The following MORN3 variants were observed in gnomAD, a reference collection of about 807,000 sequenced individuals.
The protein encoded by MORN3 is MORN repeat containing 3.
A neutral mutation model predicts 34.7 loss-of-function variants in MORN3; 38 were observed. The observed-to-expected ratio is 1.10, with a 90% confidence interval of 0.85 to 1.44. The LOEUF (loss-of-function observed/expected upper bound fraction) is 1.44. Among genes scored for constraint, MORN3 ranks in the 40% most tolerant of loss-of-function variants. The pLI is 0.00. For synonymous variants in MORN3, 109 were observed against 115.3 expected (o/e 0.95, Z 0.35); for missense variants, 311 against 321.7 (o/e 0.97, Z 0.25).
At chr12:121,652,092 C>T (rs533147846) in intron 5 of MORN3, among the ~76,000 whole-genome samples, 8 of 152,070 alleles carry the variant, frequency 5.3e-5, no homozygotes, top group South Asian at 4.1e-4. Context: ...CCCTCCCCCA[C>T]GCCCAGCTAA....
chr12:121,661,589 T>TG (rs951552359), intron 1 of MORN3, among the ~76,000 whole-genome samples: 3 of 151,882 alleles, frequency 2.0e-5, no homozygotes, highest in Admixed American at 6.6e-5. Context: ...GAATATCTTA[T>TG]GGGGGGGCTG....
In MORN3 at chr12:121,651,544, G is replaced by C. The variant is rs1555325084; in HGVS notation, c.*107C>G. ...GTGAGGGGCCCTATGAGGGTGCCGG[G>C]GTCATGCCTGGAGCTGCTGCTGACT... On this transcript the variant is annotated 3_prime_UTR_variant, in exon 6 of 6. Transcript: ENST00000355329. The C allele has an allele frequency of 6.6e-6, 1 of 152,438 alleles. No homozygotes were observed. 9.4% of individuals were successfully genotyped at this position (152,438 alleles called of 1,614,324 possible).
intron 3 of MORN3, among the ~76,000 whole-genome samples, chr12:121,653,472 G>A (rs1399158709): frequency 6.6e-6 from 1 of 151,520 alleles, no homozygotes. Context: ...GGGCATAGTG[G>A]TGTGCACCTA....
At chr12:121,661,755 A>G (rs1486521789) in intron 1 of MORN3, among the ~76,000 whole-genome samples, 1 of 152,016 alleles carries the variant, frequency 6.6e-6, no homozygotes, top group Non-Finnish European at 1.5e-5. Flanking sequence ...GCTTGCCTGT[A>G]ATCCCAGCTA....
At chr12:121,670,643 T>C (rs1893932555), upstream of MORN3, among the ~76,000 whole-genome samples, 1 of 150,584 alleles carries the variant, frequency 6.6e-6, no homozygotes, top group Non-Finnish European at 1.5e-5. Flanking sequence ...CCCTTGTCTC[T>C]ACTAAAAATA....
chr12:121,656,197 G>C (rs781990254), intron 2 of MORN3, among the ~76,000 whole-genome samples: 4 of 152,066 alleles, frequency 2.6e-5, no homozygotes, highest in Non-Finnish European at 5.9e-5. Context: ...CCTGTCCCAG[G>C]GCAGACACAC....
intron 1 of MORN3, among the ~76,000 whole-genome samples, chr12:121,666,393 A>G (rs1473433515): frequency 6.6e-6 from 1 of 152,032 alleles, no homozygotes; most frequent in African/African-American, 2.4e-5. Context: ...AGTCCCAGCT[A>G]CTTGGGAGGC....
upstream of MORN3, among the ~76,000 whole-genome samples, chr12:121,669,813 CATAT>C (rs750751662): frequency 5.0e-4 from 68 of 136,002 alleles, no homozygotes; most frequent in African/African-American, 1.7e-3. Context: ...GTCATATATA[CATAT>C]ATATATATAT....
Position 121,650,830 on chromosome 12 carries a change from TA to T in MORN3, c.*820del, listed in dbSNP as rs538683042. The T allele has an allele frequency of 8.9e-3, 1,297 of 146,168 alleles. 7 individuals carry two copies. Among genetic ancestry groups the T allele is most frequent in the Non-Finnish European group, 0.013 (887 of 66,018 alleles). 9.1% of individuals were successfully genotyped at this position (146,168 alleles called of 1,614,324 possible). ...TGGGCAATAGAGGGAGACTACGTCT[TA>T]AAAAAAAAAAATCACCTGGGGAATT... On this transcript the variant is annotated 3_prime_UTR_variant, in exon 6 of 6. Transcript: ENST00000355329.
At position 121,669,509 on chromosome 12, in the gene MORN3, G is replaced by C. The variant is rs777307195; in HGVS notation, c.-26C>G. On this transcript the variant is annotated 5_prime_UTR_variant, in exon 1 of 6. Coordinates refer to ENST00000355329, the MANE Select transcript of MORN3 (RefSeq NM_173855.5). ...GGTGGCTGCTTCTGCAAGGCTGGAG[G>C]GTGCTGGAAAGGGGTTAGGGACATC... is the stretch of plus-strand genomic sequence containing the variant. 3 of 1,611,770 alleles carry C rather than the reference G, an allele frequency of 1.9e-6. No individual in the cohort carries two copies. In the South Asian group the frequency reaches 3.3e-5, roughly 18 times the overall value.
At chr12:121,668,371 C>T (rs1029994362) in intron 1 of MORN3, among the ~76,000 whole-genome samples, 2 of 151,968 alleles carry the variant, frequency 1.3e-5, no homozygotes, top group Admixed American at 6.6e-5. Flanking sequence ...GGAGAAACCC[C>T]GTCTTACTAA....
intron 2 of MORN3, 81 bp from the exon 3 acceptor site, chr12:121,654,514 A>G: frequency 7.0e-7 from 1 of 1,431,966 alleles, no homozygotes; most frequent in South Asian, 1.4e-5. Flanking sequence ...GCACCCCTAG[A>G]GCCACACACC....
intron 1 of MORN3, among the ~76,000 whole-genome samples, chr12:121,661,335 C>T (rs1893574562): frequency 6.6e-6 from 1 of 152,162 alleles, no homozygotes; most frequent in Non-Finnish European, 1.5e-5. Flanking sequence ...GAGATTCTCC[C>T]TTCTCAGCCT....
chr12:121,662,759 C>A (rs1027412479), intron 1 of MORN3, among the ~76,000 whole-genome samples: 2 of 143,656 alleles, frequency 1.4e-5, no homozygotes, highest in African/African-American at 5.3e-5. Flanking sequence ...AAAAAAAAAA[C>A]GCCGGGCATG....
At chr12:121,665,847 A>G (rs1893739548) in intron 1 of MORN3, among the ~76,000 whole-genome samples, 1 of 151,472 alleles carries the variant, frequency 6.6e-6, no homozygotes, top group African/African-American at 2.4e-5. Context: ...CGGGGTCCAG[A>G]CGACCCAACA....
upstream of MORN3, among the ~76,000 whole-genome samples, chr12:121,671,410 A>AT (rs1427523022): frequency 6.6e-6 from 1 of 151,796 alleles, no homozygotes; most frequent in Non-Finnish European, 1.5e-5. Flanking sequence ...CATCTCAAAA[A>AT]AAAAAAAAAA....
intron 1 of MORN3, among the ~76,000 whole-genome samples, chr12:121,668,121 C>T (rs1415616727): frequency 2.6e-5 from 4 of 151,830 alleles, no homozygotes; most frequent in African/African-American, 7.3e-5. Context: ...CTGCCTGCCT[C>T]GGCCTCCCAA....
chr12:121,670,193 C>T (rs1893915917), upstream of MORN3, among the ~76,000 whole-genome samples: 1 of 151,754 alleles, frequency 6.6e-6, no homozygotes, highest in Admixed American at 6.6e-5. Context: ...AAATATGAAC[C>T]CAAAATATGG....
At chr12:121,654,724 A>G (rs1555325537) in intron 2 of MORN3, among the ~76,000 whole-genome samples, 1 of 151,642 alleles carries the variant, frequency 6.6e-6, no homozygotes, top group Non-Finnish European at 1.5e-5. Flanking sequence ...CAGCCTCCCG[A>G]GAAGCTGGGA....
Sources: allele counts gnomAD v4.1 joint callset (sites outside exome capture counted in the v4.1 genomes callset), GRCh38; gene constraint gnomAD v4.1.1; transcripts MANE v1.5; gene names NCBI Gene and HGNC (gene_info 2026-07-23, HGNC 2026-07-21).